FFAR4: variants seen among roughly 807,000 people sequenced by gnomAD.
FFAR4 encodes G-protein coupled receptor 120.
FFAR4 carries 19 observed loss-of-function variants against 27.0 expected under a neutral mutation model. The observed-to-expected ratio is 0.70, with a 90% confidence interval of 0.49 to 1.03. The LOEUF (loss-of-function observed/expected upper bound fraction) is 1.03. Among genes scored for constraint, FFAR4 ranks in the 50% least tolerant of loss-of-function variants. FFAR4 has a pLI of 0.00. For synonymous variants in FFAR4, 254 were observed against 215.6 expected (o/e 1.18, Z -1.56); for missense variants, 476 against 479.0 (o/e 0.99, Z 0.06).
intron 2 of FFAR4, chr10:93,579,062 C>T (rs1185545759): frequency 9.5e-7 from 1 of 1,052,344 alleles, no homozygotes; most frequent in Non-Finnish European, 1.5e-6. Flanking sequence ...GGAGTTGGGG[C>T]AGCTGTCCTT....
At chr10:93,573,884 T>C (rs1342287287) in intron 1 of FFAR4, among the ~76,000 whole-genome samples, 1 of 152,238 alleles carries the variant, frequency 6.6e-6, no homozygotes, top group East Asian at 1.9e-4. Context: ...CTGTGTTTCA[T>C]GTTTGATCAT....
In FFAR4 at chr10:93,587,342, C is replaced by T. The variant is rs748331876; in HGVS notation, c.819C>T (p.Phe273=). 6.2e-7 allele frequency: 1 copy of T among 1,614,116 alleles called. No individual in the cohort carries two copies. The highest frequency in any genetic ancestry group is 8.5e-7 in the Non-Finnish European group (1 of 1,180,010). Residue 273 remains phenylalanine (F), a synonymous_variant, in exon 3 of 3, where the codon TTC becomes TTT. Transcript: ENST00000371481. Reference sequence around the variant, plus strand: ...CCCTCTTCCTCCTCATGGTCTCCTTCTTCATCATGTGGAGCCCCATCATCA... The same window carrying T: ...CCCTCTTCCTCCTCATGGTCTCCTTTTTCATCATGTGGAGCCCCATCATCA... ...FRTLFLLMVS[F]FIMWSPIIIT...
chr10:93,577,914 G>A (rs2058174140), intron 2 of FFAR4, among the ~76,000 whole-genome samples: 1 of 152,082 alleles, frequency 6.6e-6, no homozygotes, highest in East Asian at 1.9e-4. Flanking sequence ...AAGTGCTTGG[G>A]GGAAGGGAGG....
intron 2 of FFAR4, among the ~76,000 whole-genome samples, chr10:93,578,300 C>A (rs1020509158): frequency 6.6e-6 from 1 of 151,392 alleles, no homozygotes; most frequent in African/African-American, 2.4e-5. Context: ...GTCTGTAATC[C>A]CAGCTACTGT....
Position 93,587,367 on chromosome 10 carries a change from A to G in FFAR4, c.844A>G (p.Ile282Val). The change falls in exon 3 of 3, where the codon ATC becomes GTC. Residue 282 changes from isoleucine to valine, a missense_variant. Ile to Val is a conservative substitution (Grantham distance 29). Transcript: ENST00000371481. ...CTTCATCATGTGGAGCCCCATCATC[A>G]TCACCATCCTCCTCATCCTGATCCA... ...SFFIMWSPII[I>V]TILLILIQNF... 6.2e-7 allele frequency: 1 copy of G among 1,613,742 alleles called. No individual in the cohort carries two copies.
chr10:93,567,092 C>T lies in FFAR4; in HGVS notation c.372C>T (p.Val124=), dbSNP rs1362518737. The T allele has an allele frequency of 6.2e-7, 1 of 1,609,894 alleles. No homozygotes were observed. The highest frequency in any genetic ancestry group is 8.5e-7 in the Non-Finnish European group (1 of 1,179,076). The change falls in exon 1 of 3, where the codon GTC becomes GTT. Residue 124 remains valine (V), a synonymous_variant. Coordinates refer to ENST00000371481, the MANE Select transcript of FFAR4 (RefSeq NM_001195755.2). The part of the protein sequence containing the change: ...LFYVMTLSGS[V]TILTLAAVSL... ...ACGTGATGACCCTGAGCGGCAGCGT[C>T]ACCATCCTCACGCTGGCCGCGGTCA...
At chr10:93,578,186 A>G (rs1285187074) in intron 2 of FFAR4, among the ~76,000 whole-genome samples, 1 of 151,914 alleles carries the variant, frequency 6.6e-6, no homozygotes, top group Non-Finnish European at 1.5e-5. Context: ...GGAGGGTGAG[A>G]CCAGTGGATC....
At position 93,567,193 on chromosome 10, in the gene FFAR4, TGCTGGC is replaced by T; in HGVS notation, c.477_482del (p.Ala160_Leu161del). On this transcript the variant is annotated inframe_deletion, in exon 1 of 3. Transcript: ENST00000371481. ...CCTGGGCGGCGGGCGCGGGCAGTGC[TGCTGGC>T]GCTCATCTGGGGCTATTCGGCGGTC... is the stretch of plus-strand genomic sequence containing the variant. 5 of 1,603,428 alleles carry T rather than the reference TGCTGGC, an allele frequency of 3.1e-6. No individual in the cohort carries two copies. Among genetic ancestry groups the T allele is most frequent in the Non-Finnish European group, 4.2e-6 (5 of 1,179,278 alleles).
At chr10:93,587,170 C>T (rs1369779901) in intron 2 of FFAR4, 50 bp from the exon 3 acceptor site, 1 of 1,542,762 alleles carries the variant, frequency 6.5e-7, no homozygotes, top group Non-Finnish European at 8.8e-7. Context: ...TCAAAATCCC[C>T]AACAACCCTC....
chr10:93,576,923 C>T (rs1473551865), intron 2 of FFAR4, among the ~76,000 whole-genome samples: 1 of 152,074 alleles, frequency 6.6e-6, no homozygotes, highest in Non-Finnish European at 1.5e-5. Flanking sequence ...TAGGTGTAGG[C>T]TCAAACTGAG....
Position 93,573,065 on chromosome 10 carries a change from C to G in FFAR4, c.568-3026C>G, listed in dbSNP as rs527376893. 6.6e-5 allele frequency among the ~76,000 whole-genome samples: 10 copies of G among 152,294 alleles called. No homozygotes were observed. The East Asian group carries it at 1.5e-3, about 24-fold the overall frequency. On this transcript the variant is annotated intron_variant, in intron 1 of 2. Coordinates refer to ENST00000371481, the MANE Select transcript of FFAR4 (RefSeq NM_001195755.2). Reference sequence around the variant, plus strand: ...CTTCCAGGCATAGCAGAAACAACCCCCCCTGGGTGGCTCTACCCTCTCTGG... The same window carrying G: ...CTTCCAGGCATAGCAGAAACAACCCGCCCTGGGTGGCTCTACCCTCTCTGG...
At position 93,576,109 on chromosome 10, in the gene FFAR4, C is replaced by G; in HGVS notation, c.586C>G (p.Leu196Val). The change falls in exon 2 of 3, where the codon CTG (leucine) becomes GTG (valine). Residue 196 changes from leucine to valine, a missense_variant. Transcript: ENST00000371481. Reference protein sequence around the residue: ...GADQEISICTLIWPTIPGEIS... With the variant: ...GADQEISICTVIWPTIPGEIS... The stretch of plus-strand genomic sequence containing the variant: ...TAACTAGGAAATTTCGATTTGCACA[C>G]TGATTTGGCCCACCATTCCTGGAGA... 6.2e-7 allele frequency: 1 copy of G among 1,613,960 alleles called. No homozygotes were observed. Among genetic ancestry groups the G allele is most frequent in the Non-Finnish European group, 8.5e-7 (1 of 1,179,894 alleles).
At chr10:93,568,894 CT>C (rs1226404430) in intron 1 of FFAR4, among the ~76,000 whole-genome samples, 1 of 152,124 alleles carries the variant, frequency 6.6e-6, no homozygotes, top group Non-Finnish European at 1.5e-5. Context: ...AACATGCAAG[CT>C]TGTGGCCATG....
chr10:93,585,692 G>T (rs2058223043), intron 2 of FFAR4, among the ~76,000 whole-genome samples: 1 of 152,170 alleles, frequency 6.6e-6, no homozygotes, highest in African/African-American at 2.4e-5. Flanking sequence ...GCCCCCTTCT[G>T]TTGGTCATTG....
chr10:93,583,768 G>C (rs2058212558), intron 2 of FFAR4, among the ~76,000 whole-genome samples: 1 of 152,220 alleles, frequency 6.6e-6, no homozygotes. Context: ...GATCATCACA[G>C]TACATATGTC....
intron 1 of FFAR4, among the ~76,000 whole-genome samples, chr10:93,568,545 G>A (rs904884526): frequency 6.6e-6 from 1 of 152,168 alleles, no homozygotes; most frequent in African/African-American, 2.4e-5. Flanking sequence ...TAGGGAGGGA[G>A]AAATGACATG....
At position 93,589,461 on chromosome 10, in the gene FFAR4, A is replaced by G. The variant is rs918882175; in HGVS notation, c.*1852A>G. 6.6e-6 allele frequency: 1 copy of G among 152,090 alleles called. No homozygotes were observed. The highest frequency in any genetic ancestry group is 2.1e-4 in the South Asian group (1 of 4,818). The allele number at this position is 152,090 out of a possible 1,614,324, so 9.4% of individuals were successfully genotyped here. A position where few individuals can be genotyped will look rare whatever the true frequency, so the allele number is the denominator to read the frequency against. On this transcript the variant is annotated 3_prime_UTR_variant, in exon 3 of 3. Coordinates refer to ENST00000371481, the MANE Select transcript of FFAR4 (RefSeq NM_001195755.2). ...AAATATACCTTGGGAAGGTAAAACA[A>G]AGATGATTTATTGATGGGAAGGATG...
At chr10:93,576,683 C>T (rs2058165928) in intron 2 of FFAR4, among the ~76,000 whole-genome samples, 1 of 152,130 alleles carries the variant, frequency 6.6e-6, no homozygotes, top group Admixed American at 6.5e-5. Flanking sequence ...ATACTCTCTG[C>T]TCTGTAACTC....
At position 93,587,347 on chromosome 10, in the gene FFAR4, T is replaced by A; in HGVS notation, c.824T>A (p.Ile275Asn). 6.2e-7 allele frequency: 1 copy of A among 1,614,066 alleles called. No homozygotes were observed. ...TLFLLMVSFF[I>N]MWSPIIITIL... ...TTCCTCCTCATGGTCTCCTTCTTCA[T>A]CATGTGGAGCCCCATCATCATCACC... Residue 275 changes from isoleucine (I) to asparagine (N), a missense_variant, in exon 3 of 3, where the codon ATC becomes AAC. Physicochemically the swap from Ile to Asn is moderately radical, Grantham distance 149. Transcript: ENST00000371481.
Sources: allele counts gnomAD v4.1 joint callset (sites outside exome capture counted in the v4.1 genomes callset), GRCh38; gene constraint gnomAD v4.1.1; transcripts MANE v1.5; gene names NCBI Gene and HGNC (gene_info 2026-07-23, HGNC 2026-07-21).